The following TLL1 variants were observed in gnomAD, a reference collection of about 807,000 sequenced individuals.
The protein encoded by TLL1 is tolloid-like protein 1.
TLL1 carries 49 observed loss-of-function variants against 128.2 expected under a neutral mutation model. The observed-to-expected ratio is 0.38, with a 90% CI of 0.30 to 0.48. TLL1 has a LOEUF of 0.48. Ranked by LOEUF, TLL1 falls within the 20% of genes least tolerant of loss-of-function variation. The pLI, the probability that TLL1 is intolerant of heterozygous loss-of-function variation, is 0.96. For synonymous variants in TLL1, 454 were observed against 418.8 expected (o/e 1.08, Z -1.03); for missense variants, 1,123 against 1,242.0 (o/e 0.90, Z 1.44).
At chr4:166,058,138 A>G (rs1740117864) in intron 14 of TLL1, among the ~76,000 whole-genome samples, 2 of 151,964 alleles carry the variant, frequency 1.3e-5, no homozygotes, top group Admixed American at 1.3e-4. Context: ...CCATCCTACC[A>G]TCATTCATTC....
At chr4:165,877,480 G>A (rs989778382) in intron 1 of TLL1, among the ~76,000 whole-genome samples, 2 of 152,166 alleles carry the variant, frequency 1.3e-5, no homozygotes, top group Non-Finnish European at 1.5e-5. Flanking sequence ...GGCTCCCAAG[G>A]GACACTGGGA....
chr4:165,973,538 T>A lies in TLL1; in HGVS notation c.170-15843T>A, dbSNP rs553299060. Reference sequence around the variant, plus strand: ...TCATTCTGCTTGGGTTATGTTGTGATTTAACCCTTTTATTGGTTTAGTGGC... The same window carrying A: ...TCATTCTGCTTGGGTTATGTTGTGAATTAACCCTTTTATTGGTTTAGTGGC... On this transcript the variant is annotated intron_variant, in intron 1 of 20. Transcript: ENST00000061240. 2.3e-4 allele frequency among the ~76,000 whole-genome samples: 35 copies of A among 152,084 alleles called. No individual in the cohort carries two copies. In the South Asian group the frequency reaches 6.0e-3, roughly 26 times the overall value.
chr4:165,957,657 C>T (rs114195671), intron 1 of TLL1, among the ~76,000 whole-genome samples: 9,067 of 151,620 alleles, frequency 0.06, 417 homozygotes, highest in Non-Finnish European at 0.077. Flanking sequence ...CGCTCGTCCC[C>T]ATCCTACTCT....
intron 16 of TLL1, among the ~76,000 whole-genome samples, chr4:166,068,492 T>C (rs889281612): frequency 2.0e-5 from 3 of 151,828 alleles, no homozygotes; most frequent in African/African-American, 4.8e-5. Flanking sequence ...TATAAAGATA[T>C]TATACTTCAC....
intron 13 of TLL1, 48 bp from the exon 14 acceptor site, chr4:166,057,134 TAC>T: frequency 6.2e-7 from 1 of 1,607,270 alleles, no homozygotes; most frequent in Non-Finnish European, 8.5e-7. Context: ...TTCACATACA[TAC>T]ACACATATAT....
chr4:165,969,007 T>C (rs1735518656), intron 1 of TLL1, among the ~76,000 whole-genome samples: 1 of 152,208 alleles, frequency 6.6e-6, no homozygotes. Context: ...AATTTCACAT[T>C]GAGATGCTTT....
chr4:166,042,969 A>G (rs999225429), intron 11 of TLL1, among the ~76,000 whole-genome samples: 2 of 152,240 alleles, frequency 1.3e-5, no homozygotes, highest in South Asian at 4.1e-4. Flanking sequence ...ATCACAGAAC[A>G]AACTCACAGA....
chr4:166,086,179 A>T (rs894714641), intron 18 of TLL1, among the ~76,000 whole-genome samples: 1 of 152,150 alleles, frequency 6.6e-6, no homozygotes, highest in Non-Finnish European at 1.5e-5. Context: ...TTCACTTTAC[A>T]GTATGATTAT....
chr4:165,961,684 A>T (rs978375203), intron 1 of TLL1, among the ~76,000 whole-genome samples: 5 of 152,176 alleles, frequency 3.3e-5, no homozygotes, highest in Non-Finnish European at 7.3e-5. Context: ...CAACCATCTG[A>T]TCTTCAACAA....
intron 1 of TLL1, among the ~76,000 whole-genome samples, chr4:165,904,285 A>G (rs1372277640): frequency 2.0e-5 from 3 of 152,156 alleles, no homozygotes; most frequent in Admixed American, 6.5e-5. Flanking sequence ...TCCTGGAAAA[A>G]TGCCATGTTT....
At chr4:165,916,071 A>T (rs1732763545) in intron 1 of TLL1, among the ~76,000 whole-genome samples, 1 of 152,202 alleles carries the variant, frequency 6.6e-6, no homozygotes. Flanking sequence ...GAGTGGTTTA[A>T]TTACTTTCGT....
At chr4:165,977,907 G>T (rs1735965323) in intron 1 of TLL1, among the ~76,000 whole-genome samples, 1 of 152,078 alleles carries the variant, frequency 6.6e-6, no homozygotes, top group East Asian at 1.9e-4. Flanking sequence ...ATATATGTTT[G>T]CAAAATAGAT....
Position 166,001,248 on chromosome 4 carries a change from C to T in TLL1, c.633-2143C>T, listed in dbSNP as rs148494992. 1.5e-4 allele frequency among the ~76,000 whole-genome samples: 23 copies of T among 152,118 alleles called. No individual in the cohort carries two copies. The East Asian group carries it at 4.3e-3, about 28-fold the overall frequency. ...ACTATTCAAAGCCGACCATTTAGTG[C>T]CCTCTGTTGCTGTGCTATTGATGTT... is the stretch of plus-strand genomic sequence containing the variant. On this transcript the variant is annotated intron_variant, in intron 5 of 20. Coordinates refer to ENST00000061240, the MANE Select transcript of TLL1 (RefSeq NM_012464.5).
chr4:166,001,250 C>G (rs1258750948), intron 5 of TLL1, among the ~76,000 whole-genome samples: 1 of 152,040 alleles, frequency 6.6e-6, no homozygotes, highest in East Asian at 1.9e-4. Flanking sequence ...ATTTAGTGCC[C>G]TCTGTTGCTG....
In TLL1 at chr4:166,101,038, C is replaced by A; in HGVS notation, c.*162C>A. ...TTTGTACTAAAAGAGAAGTTTCCAG[C>A]AAAACCCTCATCAGCATTACAAGGA... On this transcript the variant is annotated 3_prime_UTR_variant, in exon 21 of 21. Transcript: ENST00000061240. 4 of 841,718 alleles carry A rather than the reference C, an allele frequency of 4.8e-6. No individual in the cohort carries two copies. Among genetic ancestry groups the A allele is most frequent in the Non-Finnish European group, 7.3e-6 (4 of 549,948 alleles). 52.1% of individuals were successfully genotyped at this position (841,718 alleles called of 1,614,324 possible). A position where few individuals can be genotyped will look rare whatever the true frequency, so the allele number is the denominator to read the frequency against.
chr4:166,025,719 C>T (rs966013762), intron 9 of TLL1, among the ~76,000 whole-genome samples: 1 of 151,954 alleles, frequency 6.6e-6, no homozygotes, highest in Non-Finnish European at 1.5e-5. Context: ...AGAAAAATCC[C>T]CATATATTTT....
chr4:166,001,427 A>T (rs1211977361), intron 5 of TLL1, among the ~76,000 whole-genome samples: 1 of 152,052 alleles, frequency 6.6e-6, no homozygotes, highest in Non-Finnish European at 1.5e-5. Flanking sequence ...ACTGTCATAC[A>T]CTCACACACT....
chr4:165,890,450 T>C (rs1303322917), intron 1 of TLL1, among the ~76,000 whole-genome samples: 2 of 152,180 alleles, frequency 1.3e-5, no homozygotes, highest in African/African-American at 2.4e-5. Flanking sequence ...CAAAAGCAAG[T>C]TAGTTACTTC....
At chr4:166,030,907 GAT>G in intron 9 of TLL1, 1 of 983,168 alleles carries the variant, frequency 1.0e-6, no homozygotes, top group Non-Finnish European at 1.2e-6. Context: ...AGTTTCACTG[GAT>G]ATAGTTGGCT....
Sources: gnomAD v4.1 joint callset for allele counts (sites outside exome capture counted in the v4.1 genomes callset) on GRCh38, gnomAD v4.1.1 for gene constraint, MANE v1.5 for transcripts, NCBI Gene and HGNC (gene_info 2026-07-23, HGNC 2026-07-21) for gene names.